The following SFRP1 variants were observed in gnomAD, a reference collection of about 807,000 sequenced individuals.
SFRP1 encodes secreted frizzled related protein 1.
SFRP1 carries 9 observed loss-of-function variants against 25.9 expected under a neutral mutation model. The observed-to-expected ratio is 0.35, with a 90% CI of 0.21 to 0.61. SFRP1 has a LOEUF of 0.61. Ranked by LOEUF, SFRP1 falls within the 20% of genes least tolerant of loss-of-function variation. The pLI, the probability that SFRP1 is intolerant of heterozygous loss-of-function variation, is 0.78. For missense variants in SFRP1, 346 were observed against 418.2 expected (o/e 0.83, Z 1.51); for synonymous variants, 178 against 174.0 (o/e 1.02, Z -0.18).
rs149553664 is a variant in SFRP1 at position 41,263,722 on chromosome 8, C to T, written c.*1445G>A. 4 of 152,256 alleles carry T rather than the reference C, an allele frequency of 2.6e-5. No individual in the cohort carries two copies. The highest frequency in any genetic ancestry group is 7.2e-5 in the African/African-American group (3 of 41,540). The allele number at this position is 152,256 out of a possible 1,614,324, so 9.4% of individuals were successfully genotyped here. On this transcript the variant is annotated 3_prime_UTR_variant, in exon 3 of 3. Transcript: ENST00000220772. ...TCTAAGTGAACTGGCTTATATACAT[C>T]GCTGATTAAACATAAGGGCTTTGGG...
At chr8:41,300,492 C>T (rs1803901140) in intron 2 of SFRP1, among the ~76,000 whole-genome samples, 1 of 152,100 alleles carries the variant, frequency 6.6e-6, no homozygotes. Context: ...AAGTGTATCA[C>T]CATGCAAATT....
In SFRP1 at chr8:41,265,418, GCTT is replaced by G. The variant is rs761413609; in HGVS notation, c.691_693del (p.Lys231del). 3.1e-6 allele frequency: 5 copies of G among 1,612,222 alleles called. No individual in the cohort carries two copies. The highest frequency in any genetic ancestry group is 1.1e-5 in the South Asian group (1 of 90,506). On this transcript the variant is annotated inframe_deletion, in exon 3 of 3. Coordinates refer to ENST00000220772, the MANE Select transcript of SFRP1 (RefSeq NM_003012.5). ...TTCTTGATGGGCCCCAACTTCAGGGGCTTCTTCTTCTTGGGGACAATCTTCTTG... is the reference window on the plus strand; with the variant it reads ...TTCTTGATGGGCCCCAACTTCAGGGGCTTCTTCTTGGGGACAATCTTCTTG...
At chr8:41,282,318 C>A (rs1803643568) in intron 2 of SFRP1, among the ~76,000 whole-genome samples, 1 of 152,222 alleles carries the variant, frequency 6.6e-6, no homozygotes, top group Non-Finnish European at 1.5e-5. Context: ...GAGTTTGAGA[C>A]CAGCCTGGGC....
At chr8:41,294,872 C>G (rs193277812) in intron 2 of SFRP1, among the ~76,000 whole-genome samples, 39 of 152,150 alleles carry the variant, frequency 2.6e-4, no homozygotes, top group African/African-American at 8.2e-4. Flanking sequence ...CTGCTCCTGC[C>G]GCTTTGAGGA....
chr8:41,290,884 G>GTTTTTTTTTT (rs1395442969), intron 2 of SFRP1, among the ~76,000 whole-genome samples: 1 of 27,466 alleles, frequency 3.6e-5, no homozygotes, highest in Non-Finnish European at 8.3e-5. Flanking sequence ...CCTCTTCCTC[G>GTTTTTTTTTT]TCTTTTTTTT....
Position 41,263,251 on chromosome 8 carries a change from T to C in SFRP1, c.*1916A>G, listed in dbSNP as rs1803395629. 6.6e-6 allele frequency: 1 copy of C among 152,642 alleles called. No individual in the cohort carries two copies. Among genetic ancestry groups the C allele is most frequent in the Admixed American group, 6.5e-5 (1 of 15,276 alleles). 9.5% of individuals were successfully genotyped at this position (152,642 alleles called of 1,614,324 possible). On this transcript the variant is annotated 3_prime_UTR_variant, in exon 3 of 3. Transcript: ENST00000220772. Reference sequence around the variant, plus strand: ...AGTTTGACAACAGAGAAGTAGAATATTTCTAATTAGCTAATATATATACAC... The same window carrying C: ...AGTTTGACAACAGAGAAGTAGAATACTTCTAATTAGCTAATATATATACAC...
chr8:41,306,751 G>C, intron 1 of SFRP1: 1 of 1,598,080 alleles, frequency 6.3e-7, no homozygotes. Context: ...GTGGAGGTGA[G>C]TGAGGACGGT....
intron 2 of SFRP1, among the ~76,000 whole-genome samples, chr8:41,299,800 C>T (rs1803892987): frequency 1.3e-5 from 2 of 151,886 alleles, no homozygotes; most frequent in South Asian, 4.1e-4. Flanking sequence ...GCAAATAGGC[C>T]TTACTTTGTT....
intron 2 of SFRP1, among the ~76,000 whole-genome samples, chr8:41,290,856 T>G (rs1803767248): frequency 6.7e-6 from 1 of 149,512 alleles, no homozygotes; most frequent in Admixed American, 6.7e-5. Context: ...ATTAATGAGG[T>G]CTTTGTCTTC....
chr8:41,299,045 GATGCAAA>G (rs1286891676), intron 2 of SFRP1, among the ~76,000 whole-genome samples: 1 of 152,068 alleles, frequency 6.6e-6, no homozygotes, highest in Non-Finnish European at 1.5e-5. Flanking sequence ...ACATAAGCCA[GATGCAAA>G]AGGACAAACA....
chr8:41,265,346 A>C lies in SFRP1; in HGVS notation c.766T>G (p.Cys256Gly). 1 of 1,614,136 alleles carries C rather than the reference A, an allele frequency of 6.2e-7. No homozygotes were observed. ...LVLYLKNGAD[C>G]PCHQLDNLSH... Reference sequence around the variant, plus strand: ...AGGTTGTCCAGCTGGTGGCAGGGACAGTCAGCCCCATTCTTCAGGTACAGC... The same window carrying C: ...AGGTTGTCCAGCTGGTGGCAGGGACCGTCAGCCCCATTCTTCAGGTACAGC... The change falls in exon 3 of 3, where the codon TGT becomes GGT. Residue 256 changes from cysteine (C) to glycine (G), a missense_variant. Coordinates refer to ENST00000220772, the MANE Select transcript of SFRP1 (RefSeq NM_003012.5).
In SFRP1 at chr8:41,270,543, G is replaced by A. The variant is rs1803490949; in HGVS notation, c.623-5054C>T. ...CAAATGCTCCTGATTGGGGCCCCCGGACACTCCTGAACTCCATCACAGAGG... is the reference window on the plus strand; with the variant it reads ...CAAATGCTCCTGATTGGGGCCCCCGAACACTCCTGAACTCCATCACAGAGG... On this transcript the variant is annotated intron_variant, in intron 2 of 2. Transcript: ENST00000220772. Among the ~76,000 whole-genome samples, 3 of 152,070 alleles carry A rather than the reference G, an allele frequency of 2.0e-5. 1 individual carries two copies. In the South Asian group the frequency reaches 6.2e-4, roughly 31 times the overall value.
At chr8:41,272,656 T>G (rs1803525207) in intron 2 of SFRP1, among the ~76,000 whole-genome samples, 1 of 152,016 alleles carries the variant, frequency 6.6e-6, no homozygotes, top group Non-Finnish European at 1.5e-5. Context: ...AAGATAAGGT[T>G]GAAGAAATTT....
At chr8:41,295,618 G>T (rs1803834961) in intron 2 of SFRP1, among the ~76,000 whole-genome samples, 2 of 151,848 alleles carry the variant, frequency 1.3e-5, no homozygotes. Context: ...CCATTCATGT[G>T]TCCATCCACC....
intron 1 of SFRP1, among the ~76,000 whole-genome samples, chr8:41,306,217 A>T (rs1803993862): frequency 6.6e-6 from 1 of 152,260 alleles, no homozygotes; most frequent in African/African-American, 2.4e-5. Flanking sequence ...CTCCTTAATA[A>T]CACATGACCA....
chr8:41,294,910 G>C (rs1803823121), intron 2 of SFRP1, among the ~76,000 whole-genome samples: 1 of 152,150 alleles, frequency 6.6e-6, no homozygotes, highest in African/African-American at 2.4e-5. Context: ...CCAGCGTGCA[G>C]CATGAGTTAT....
chr8:41,266,655 A>G (rs886943209), intron 2 of SFRP1, among the ~76,000 whole-genome samples: 2 of 150,708 alleles, frequency 1.3e-5, no homozygotes, highest in African/African-American at 4.9e-5. Context: ...GAACTCCTGG[A>G]CTCAAGAAAT....
At chr8:41,287,800 T>C (rs1325951892) in intron 2 of SFRP1, among the ~76,000 whole-genome samples, 1 of 152,234 alleles carries the variant, frequency 6.6e-6, no homozygotes, top group African/African-American at 2.4e-5. Context: ...AAGTGCAGCA[T>C]GTGTCACAAA....
chr8:41,300,190 A>C (rs1012435811), intron 2 of SFRP1, among the ~76,000 whole-genome samples: 2 of 152,232 alleles, frequency 1.3e-5, no homozygotes, highest in African/African-American at 4.8e-5. Flanking sequence ...GAGGTGCGGG[A>C]AACTGAAAAT....
Sources: gnomAD v4.1 joint callset for allele counts (sites outside exome capture counted in the v4.1 genomes callset) on GRCh38, gnomAD v4.1.1 for gene constraint, MANE v1.5 for transcripts, NCBI Gene and HGNC (gene_info 2026-07-23, HGNC 2026-07-21) for gene names.